The following ASAP1 variants were observed in gnomAD, a reference collection of about 807,000 sequenced individuals.
ASAP1 encodes arf-GAP with SH3 domain, ANK repeat and PH domain-containing protein 1.
In ASAP1, 43 loss-of-function variants were observed where a neutral mutation model predicts 145.2. The observed-to-expected ratio is 0.30, with a 90% CI of 0.23 to 0.38. The LOEUF (loss-of-function observed/expected upper bound fraction) is 0.38. Ranked by LOEUF, ASAP1 falls within the 10% of genes least tolerant of loss-of-function variation. The probability of loss-of-function intolerance (pLI) is 1.00; values close to 1 mark genes in which losing one functional copy is unlikely to be tolerated. For missense variants in ASAP1, 1,018 were observed against 1,355.3 expected, an observed-to-expected ratio of 0.75 and a Z score of 3.91; for synonymous variants, 546 against 515.5, an observed-to-expected ratio of 1.06 and a Z score of -0.80.
intron 3 of ASAP1, among the ~76,000 whole-genome samples, chr8:130,284,034 C>A (rs1307890763): frequency 6.6e-6 from 1 of 152,108 alleles, no homozygotes. Context: ...ATGAGGACAG[C>A]TTTTTGTTAG....
intron 5 of ASAP1, among the ~76,000 whole-genome samples, chr8:130,189,370 A>C (rs999530573): frequency 5.9e-5 from 9 of 151,866 alleles, no homozygotes; most frequent in African/African-American, 2.2e-4. Flanking sequence ...TATCTCTATG[A>C]GATCAATTTC....
intron 2 of ASAP1, among the ~76,000 whole-genome samples, chr8:130,368,574 A>G (rs1827069448): frequency 6.6e-6 from 1 of 152,230 alleles, no homozygotes; most frequent in African/African-American, 2.4e-5. Flanking sequence ...GATAACAGCA[A>G]TGATGGGTAC....
intron 2 of ASAP1, among the ~76,000 whole-genome samples, chr8:130,396,489 A>G (rs1295374902): frequency 6.6e-6 from 1 of 152,248 alleles, no homozygotes; most frequent in Non-Finnish European, 1.5e-5. Context: ...CAATGCTGTG[A>G]AACAACCAGT....
At chr8:130,185,951 T>C (rs955503762) in intron 7 of ASAP1, among the ~76,000 whole-genome samples, 5 of 152,162 alleles carry the variant, frequency 3.3e-5, no homozygotes, top group Admixed American at 6.5e-5. Flanking sequence ...GGTAGTACTT[T>C]AGTTGACAAA....
chr8:130,406,584 C>T (rs9297807), intron 1 of ASAP1, among the ~76,000 whole-genome samples: 49,110 of 151,254 alleles, frequency 0.32, 8,665 homozygotes, highest in African/African-American at 0.46. Context: ...CAGGTTCAAG[C>T]GATTCTCCTG....
intron 3 of ASAP1, among the ~76,000 whole-genome samples, chr8:130,311,133 T>A (rs1260766708): frequency 6.6e-6 from 1 of 152,162 alleles, no homozygotes; most frequent in Non-Finnish European, 1.5e-5. Flanking sequence ...GCCTGGAAAA[T>A]GAAGCACATT....
intron 4 of ASAP1, among the ~76,000 whole-genome samples, chr8:130,221,418 A>G (rs191298963): frequency 5.1e-4 from 77 of 152,352 alleles, no homozygotes; most frequent in African/African-American, 1.5e-3. Flanking sequence ...ACAAGAGATG[A>G]AATGTCAGTA....
At chr8:130,250,729 A>C (rs1819141300) in intron 3 of ASAP1, among the ~76,000 whole-genome samples, 1 of 151,878 alleles carries the variant, frequency 6.6e-6, no homozygotes, top group Non-Finnish European at 1.5e-5. Flanking sequence ...AAAACTGAAG[A>C]ATTGCTTCTC....
chr8:130,394,238 C>G (rs1045808103), intron 2 of ASAP1, among the ~76,000 whole-genome samples: 1 of 152,154 alleles, frequency 6.6e-6, no homozygotes, highest in African/African-American at 2.4e-5. Context: ...GGAGAAATAT[C>G]GCTGAATTCT....
rs1350513830 is a variant in ASAP1, at chr8:130,173,738, A to C, written c.747-4671T>G. ...AGCTAGGATTGTACCACTGCACTCC[A>C]GGCTGGGTGACAGAGTGAGACTCTG... On this transcript the variant is annotated intron_variant, in intron 9 of 29. Coordinates refer to ENST00000518721, the MANE Select transcript of ASAP1 (RefSeq NM_018482.4). Among the ~76,000 whole-genome samples, 4 of 151,218 alleles carry C rather than the reference A, an allele frequency of 2.6e-5. No homozygotes were observed. In the East Asian group the frequency reaches 7.8e-4, roughly 30 times the overall value.
chr8:130,256,927 G>T (rs1307613578), intron 3 of ASAP1, among the ~76,000 whole-genome samples: 1 of 151,288 alleles, frequency 6.6e-6, no homozygotes, highest in Non-Finnish European at 1.5e-5. Flanking sequence ...TAAGAAGTGT[G>T]TTTCCATTTC....
Position 130,072,820 on chromosome 8 carries a change from T to TGTGTGTGC in ASAP1, c.2701+3527_2701+3528insGCACACAC, listed in dbSNP as rs1554816346. 2.2e-3 allele frequency among the ~76,000 whole-genome samples: 49 copies of TGTGTGTGC among 22,082 alleles called. 3 individuals are homozygous for TGTGTGTGC. Among genetic ancestry groups the TGTGTGTGC allele is most frequent in the East Asian group, 0.014 (9 of 630 alleles). The allele number at this position is 22,082 out of a possible 152,430, so 14.5% of individuals were successfully genotyped here. ...GTGTGTGTGTGTGTGTGTGTGTGTG[T>TGTGTGTGC]GTGTGCGCGCGGGGGGGGGCAGTTT... is the stretch of plus-strand genomic sequence containing the variant. On this transcript the variant is annotated intron_variant, in intron 27 of 29. Transcript: ENST00000518721.
chr8:130,057,669 C>T (rs765806935), intron 29 of ASAP1, among the ~76,000 whole-genome samples: 3 of 152,186 alleles, frequency 2.0e-5, no homozygotes, highest in African/African-American at 4.8e-5. Flanking sequence ...AGGCTGGTCT[C>T]GAACTCCCGA....
intron 24 of ASAP1, among the ~76,000 whole-genome samples, chr8:130,103,900 ATCT>A (rs1592807046): frequency 6.6e-6 from 1 of 152,262 alleles, no homozygotes; most frequent in East Asian, 1.9e-4. Context: ...TTTTGGTTAC[ATCT>A]TCATTTTTTT....
intron 1 of ASAP1, among the ~76,000 whole-genome samples, chr8:130,422,932 C>G (rs950654461): frequency 6.6e-6 from 1 of 152,188 alleles, no homozygotes; most frequent in African/African-American, 2.4e-5. Context: ...TGCTTCACCT[C>G]CAACACTTTA....
In ASAP1 at chr8:130,187,221, C is replaced by G. The variant is rs781173584; in HGVS notation, c.530+15G>C. 6.3e-7 allele frequency: 1 copy of G among 1,592,114 alleles called. No individual in the cohort carries two copies. The highest frequency in any genetic ancestry group is 8.5e-7 in the Non-Finnish European group (1 of 1,172,584). ...TTAAAAAACAAACAAAAACTCTAAA[C>G]AAAAAACCACTTACAACTTTGTCTC... On this transcript the variant is annotated intron_variant, in intron 7 of 29. Coordinates refer to ENST00000518721, the MANE Select transcript of ASAP1 (RefSeq NM_018482.4).
At chr8:130,160,570 G>C (rs1198841985) in intron 11 of ASAP1, among the ~76,000 whole-genome samples, 5 of 152,074 alleles carry the variant, frequency 3.3e-5, no homozygotes, top group Non-Finnish European at 7.4e-5. Flanking sequence ...AGGGTGACAA[G>C]GGCCAAACCA....
intron 1 of ASAP1, among the ~76,000 whole-genome samples, chr8:130,443,222 C>G (rs532480740): frequency 2.0e-4 from 30 of 151,078 alleles, no homozygotes; most frequent in East Asian, 7.8e-4. Flanking sequence ...ACCTCCCCCC[C>G]CCACCGGGCG....
intron 1 of ASAP1, among the ~76,000 whole-genome samples, chr8:130,437,971 G>A (rs575040626): frequency 2.0e-5 from 3 of 152,328 alleles, no homozygotes; most frequent in Admixed American, 1.3e-4. Flanking sequence ...AGTGAAGGAA[G>A]AGGAAACACC....
Sources: gnomAD v4.1 joint callset for allele counts (sites outside exome capture counted in the v4.1 genomes callset) on GRCh38, gnomAD v4.1.1 for gene constraint, MANE v1.5 for transcripts, NCBI Gene and HGNC (gene_info 2026-07-23, HGNC 2026-07-21) for gene names.